Variants in ANK3 observed in about 807,000 individuals in gnomAD.
ANK3 encodes ankyrin 3.
In ANK3, 57 loss-of-function variants were observed where a neutral mutation model predicts 370.9. That is an observed-to-expected ratio of 0.15 (90% CI 0.12 to 0.19). The LOEUF (loss-of-function observed/expected upper bound fraction) is 0.19, where lower values mean the gene tolerates loss of function less well. Among genes scored for constraint, ANK3 ranks in the 10% least tolerant of loss-of-function variants. The pLI is 1.00. For synonymous variants in ANK3, 1,929 were observed against 1,946.3 expected (o/e 0.99, Z 0.23); for missense variants, 4,439 against 5,302.1 (o/e 0.84, Z 5.06).
intron 1 of ANK3, among the ~76,000 whole-genome samples, chr10:60,708,719 A>G (rs183401754): frequency 1.3e-5 from 2 of 152,270 alleles, no homozygotes; most frequent in Admixed American, 1.3e-4. Flanking sequence ...TTTCTGTCTC[A>G]CCTAAGGGGG....
Position 60,075,233 on chromosome 10 carries a change from G to A in ANK3, c.5648C>T (p.Ala1883Val), listed in dbSNP as rs773106343. Reference sequence around the variant, plus strand: ...TGTAGACAACTTAAGGGCAGAGGGTGCAAGGAACAAAGATGACTTAACTGG... The same window carrying A: ...TGTAGACAACTTAAGGGCAGAGGGTACAAGGAACAAAGATGACTTAACTGG... ...SSPVKSSLFL[A>V]PSALKLSTPS... The change falls in exon 37 of 44, where the codon GCA (alanine) becomes GTA (valine). Residue 1883 changes from alanine to valine, a missense_variant. This residue lies in a region of ANK3 where 679 missense variants were observed against 791.0 expected (regional missense o/e 0.86). Coordinates refer to ENST00000280772, the MANE Select transcript of ANK3 (RefSeq NM_020987.5). 1.9e-6 allele frequency: 3 copies of A among 1,614,140 alleles called. No individual in the cohort carries two copies. Among genetic ancestry groups the A allele is most frequent in the East Asian group, 4.5e-5 (2 of 44,880 alleles).
intron 2 of ANK3, among the ~76,000 whole-genome samples, chr10:60,494,499 A>G (rs1470785578): frequency 6.6e-6 from 1 of 152,206 alleles, no homozygotes; most frequent in Non-Finnish European, 1.5e-5. Flanking sequence ...TAAAATATTC[A>G]TGATTAAGAA....
In ANK3 at chr10:60,069,531, C is replaced by CT; in HGVS notation, c.11349dup (p.Asp3784ArgfsTer2). On this transcript the variant is annotated frameshift_variant, in exon 37 of 44. Coordinates refer to ENST00000280772, the MANE Select transcript of ANK3 (RefSeq NM_020987.5). LOFTEE classifies it high-confidence loss of function. ...AAATTGTTGTTGTTATTAAAGTTAT[C>CT]TTTTTGAAAATCATGTTTTTCATGG... is the stretch of plus-strand genomic sequence containing the variant. 6.2e-7 allele frequency: 1 copy of CT among 1,613,004 alleles called. No individual in the cohort carries two copies. Among genetic ancestry groups the CT allele is most frequent in the South Asian group, 1.1e-5 (1 of 90,758 alleles).
rs540574311 is a variant in ANK3 at position 60,598,280 on chromosome 10, G to A, written c.96+16906C>T. Among the ~76,000 whole-genome samples the A allele has an allele frequency of 7.5e-4, 114 of 152,290 alleles. 1 individual carries two copies. The highest frequency in any genetic ancestry group is 2.6e-3 in the African/African-American group (110 of 41,566). Reference sequence around the variant, plus strand: ...CAACATCCCTTTGTTTAGCTTTGGTGATATCCATATACTTACGCAGTATTC... The same window carrying A: ...CAACATCCCTTTGTTTAGCTTTGGTAATATCCATATACTTACGCAGTATTC... On this transcript the variant is annotated intron_variant, in intron 2 of 43. Coordinates refer to the ANK3 transcript ENST00000373827.
chr10:60,089,553 G>A (rs12217224), intron 28 of ANK3, among the ~76,000 whole-genome samples: 41,748 of 151,056 alleles, frequency 0.28, 6,606 homozygotes, highest in Non-Finnish European at 0.35. Flanking sequence ...AATTCTGGTG[G>A]GCTTCATTGG....
intron 2 of ANK3, among the ~76,000 whole-genome samples, chr10:60,569,177 G>A (rs1438095648): frequency 1.3e-5 from 2 of 151,966 alleles, no homozygotes; most frequent in Non-Finnish European, 2.9e-5. Context: ...TATCAGAGGG[G>A]GCAATATGTT....
chr10:60,079,223 A>C (rs909172130), intron 36 of ANK3, among the ~76,000 whole-genome samples: 1 of 147,550 alleles, frequency 6.8e-6, no homozygotes, highest in East Asian at 1.9e-4. Flanking sequence ...ACACACACAC[A>C]CACCCCTCTT....
intron 1 of ANK3, among the ~76,000 whole-genome samples, chr10:60,727,439 G>T (rs1294404222): frequency 6.6e-6 from 1 of 152,098 alleles, no homozygotes; most frequent in Admixed American, 6.5e-5. Flanking sequence ...AGTTTAACTG[G>T]AAAAGAACTC....
chr10:60,110,153 T>G (rs2092589013), intron 26 of ANK3, among the ~76,000 whole-genome samples: 1 of 152,178 alleles, frequency 6.6e-6, no homozygotes, highest in Non-Finnish European at 1.5e-5. Context: ...TACTACTTTT[T>G]CCCCTAAAAA....
At chr10:60,582,235 TGTTCTG>T (rs1015148018) in intron 2 of ANK3, among the ~76,000 whole-genome samples, 1 of 152,046 alleles carries the variant, frequency 6.6e-6, no homozygotes, top group African/African-American at 2.4e-5. Flanking sequence ...CAAACCTTCA[TGTTCTG>T]CACATGTATC....
chr10:60,304,812 C>T (rs2044637311), intron 1 of ANK3, among the ~76,000 whole-genome samples: 1 of 152,054 alleles, frequency 6.6e-6, no homozygotes. Context: ...ATTCACTGCC[C>T]CTCTCCTCTT....
At position 60,609,595 on chromosome 10, in the gene ANK3, C is replaced by T. The variant is rs565354880; in HGVS notation, c.96+5591G>A. Among the ~76,000 whole-genome samples the T allele has an allele frequency of 5.6e-4, 84 of 151,092 alleles. 1 individual carries two copies. Among genetic ancestry groups the T allele is most frequent in the Non-Finnish European group, 1.1e-3 (73 of 67,886 alleles). ...CAAAAGGGGACTTCTATGAGAGTTA[C>T]AAAACAGTGAGATAATATGACAGAA... On this transcript the variant is annotated intron_variant, in intron 2 of 43. Transcript: ENST00000373827.
At chr10:60,707,702 C>T (rs1446162075) in intron 1 of ANK3, among the ~76,000 whole-genome samples, 1 of 151,668 alleles carries the variant, frequency 6.6e-6, no homozygotes, top group African/African-American at 2.4e-5. Flanking sequence ...TAATTTCTTG[C>T]ATATTATGAG....
intron 2 of ANK3, among the ~76,000 whole-genome samples, chr10:60,468,948 T>C (rs2065074529): frequency 7.1e-6 from 1 of 141,072 alleles, no homozygotes; most frequent in Non-Finnish European, 1.5e-5. Context: ...CACACATGTA[T>C]ATATGAGAAG....
At position 60,325,432 on chromosome 10, in the gene ANK3, C is replaced by T. The variant is rs76731758; in HGVS notation, c.115-45793G>A. 3.9e-5 allele frequency among the ~76,000 whole-genome samples: 6 copies of T among 152,258 alleles called. No individual in the cohort carries two copies. In the East Asian group the frequency reaches 1.2e-3, roughly 29 times the overall value. Reference sequence around the variant, plus strand: ...GAACACTTAACTGCCAGCCTGAGACCACCCCCCTGCCCCTCCACCACCAAC... The same window carrying T: ...GAACACTTAACTGCCAGCCTGAGACTACCCCCCTGCCCCTCCACCACCAAC... On this transcript the variant is annotated intron_variant, in intron 1 of 43. Transcript: ENST00000280772.
intron 2 of ANK3, among the ~76,000 whole-genome samples, chr10:60,500,111 C>T (rs144718383): frequency 2.2e-4 from 34 of 152,256 alleles, no homozygotes; most frequent in Middle Eastern, 3.4e-3. Flanking sequence ...GAAAATGCTA[C>T]CACCTTGGCT....
At chr10:60,574,310 G>A (rs1367750995) in intron 2 of ANK3, among the ~76,000 whole-genome samples, 1 of 152,092 alleles carries the variant, frequency 6.6e-6, no homozygotes, top group Non-Finnish European at 1.5e-5. Flanking sequence ...AGAGCCACGT[G>A]GATTTTACCA....
intron 2 of ANK3, among the ~76,000 whole-genome samples, chr10:60,543,130 C>T (rs1007966359): frequency 6.6e-5 from 10 of 151,886 alleles, no homozygotes; most frequent in Non-Finnish European, 1.2e-4. Flanking sequence ...TTCCCTTTCA[C>T]ATTGACAAAT....
chr10:60,721,126 A>G (rs1429969027), intron 1 of ANK3, among the ~76,000 whole-genome samples: 2 of 152,226 alleles, frequency 1.3e-5, no homozygotes, highest in African/African-American at 4.8e-5. Flanking sequence ...CAGTAATTAA[A>G]TAGTTCCAAT....
Sources: allele counts gnomAD v4.1 joint callset (sites outside exome capture counted in the v4.1 genomes callset), GRCh38; gene constraint gnomAD v4.1.1; regional missense constraint gnomAD v4.1.1; transcripts MANE v1.5; gene names NCBI Gene and HGNC (gene_info 2026-07-23, HGNC 2026-07-21).